RYR3: variants seen among roughly 807,000 people sequenced by gnomAD.
The protein encoded by RYR3 is brain ryanodine receptor-calcium release channel.
Under a neutral mutation model 584.3 loss-of-function variants are expected in RYR3, and 207 were observed. The observed-to-expected ratio is 0.35, with a 90% CI of 0.32 to 0.40. The LOEUF is 0.40. RYR3 is among the 10% of genes least tolerant of loss of function. The pLI, the probability that RYR3 is intolerant of heterozygous loss-of-function variation, is 1.00. For missense variants in RYR3, 5,616 were observed against 6,089.2 expected, an observed-to-expected ratio of 0.92 and a Z score of 2.59; for synonymous variants, 2,416 against 2,248.5, an observed-to-expected ratio of 1.07 and a Z score of -2.11.
At chr15:33,546,104 G>A (rs1038533313) in intron 8 of RYR3, among the ~76,000 whole-genome samples, 13 of 152,152 alleles carry the variant, frequency 8.5e-5, no homozygotes, top group Non-Finnish European at 1.5e-4. Flanking sequence ...ACAAGAACAA[G>A]TTGTTTCAAC....
At chr15:33,476,813 G>T (rs535293151) in intron 2 of RYR3, among the ~76,000 whole-genome samples, 2 of 152,236 alleles carry the variant, frequency 1.3e-5, no homozygotes, top group Admixed American at 6.5e-5. Context: ...GCGCCATCAG[G>T]GTTCTCACAG....
chr15:33,514,427 A>G (rs532343493), intron 3 of RYR3, among the ~76,000 whole-genome samples: 7 of 152,220 alleles, frequency 4.6e-5, no homozygotes. Context: ...GGCCCGCACC[A>G]CGGAGGTTTC....
At position 33,766,526 on chromosome 15, in the gene RYR3, A is replaced by G. The variant is rs8043211; in HGVS notation, c.8706-2132A>G. 1.8e-3 allele frequency among the ~76,000 whole-genome samples: 271 copies of G among 152,318 alleles called. 1 individual carries two copies. Among genetic ancestry groups the G allele is most frequent in the African/African-American group, 6.1e-3 (253 of 41,572 alleles). On this transcript the variant is annotated intron_variant, in intron 60 of 103. Coordinates refer to ENST00000634891, the MANE Select transcript of RYR3 (RefSeq NM_001036.6). ...TAAAGTGAGATATTCAGATAATCCA[A>G]CAGAGGGCAGGTGTGTCTGTTTTCT...
rs762840378 is a variant in RYR3 at position 33,848,420 on chromosome 15, C to T, written c.13627C>T (p.Pro4543Ser). The T allele has an allele frequency of 7.3e-5, 118 of 1,611,196 alleles. No homozygotes were observed. The highest frequency in any genetic ancestry group is 9.7e-5 in the Non-Finnish European group (114 of 1,179,276). Residue 4543 changes from proline to serine, a missense_variant and splice_region_variant, in exon 94 of 104, where the codon CCA becomes TCA. Around this residue, in one of 9 missense-constraint regions of RYR3, gnomAD observed 918 missense variants for 887.4 expected, o/e 1.03. Coordinates refer to ENST00000634891, the MANE Select transcript of RYR3 (RefSeq NM_001036.6). ...GTGGGACCGCTTGGTGATCAACACACCGTGAGTGTCCCTCTACCCCAACCT... is the reference window on the plus strand; with the variant it reads ...GTGGGACCGCTTGGTGATCAACACATCGTGAGTGTCCCTCTACCCCAACCT... ...GQWDRLVINTPSFPNNYWDKF... is the reference protein window; with the variant it reads ...GQWDRLVINTSSFPNNYWDKF...
At chr15:33,814,659 G>A (rs2076713097) in intron 74 of RYR3, among the ~76,000 whole-genome samples, 1 of 152,084 alleles carries the variant, frequency 6.6e-6, no homozygotes, top group Non-Finnish European at 1.5e-5. Context: ...AGCACTTTGG[G>A]AGGCCGAGGC....
intron 65 of RYR3, among the ~76,000 whole-genome samples, chr15:33,781,867 G>GGC (rs2074408303): frequency 6.6e-6 from 1 of 151,594 alleles, no homozygotes; most frequent in Non-Finnish European, 1.5e-5. Flanking sequence ...AAAGGGGGGG[G>GGC]GGATTTCCAA....
At position 33,865,762 on chromosome 15, in the gene RYR3, T is replaced by C. The variant is rs1392379434; in HGVS notation, c.*536T>C. 1 of 153,408 alleles carries C rather than the reference T, an allele frequency of 6.5e-6. No homozygotes were observed. Among genetic ancestry groups the C allele is most frequent in the Non-Finnish European group, 1.5e-5 (1 of 68,602 alleles). The allele number at this position is 153,408 out of a possible 1,614,324, so 9.5% of individuals were successfully genotyped here. A position where few individuals can be genotyped will look rare whatever the true frequency, so the allele number is the denominator to read the frequency against. ...AACCGACACTTTGTCGACACTGAAA[T>C]ATCGATTAAGTGCCTTAAAACCTCT... On this transcript the variant is annotated 3_prime_UTR_variant, in exon 104 of 104. Transcript: ENST00000634891.
At chr15:33,515,634 G>T (rs1313032740) in intron 3 of RYR3, among the ~76,000 whole-genome samples, 1 of 152,182 alleles carries the variant, frequency 6.6e-6, no homozygotes, top group Non-Finnish European at 1.5e-5. Flanking sequence ...TTTCTTGTGA[G>T]ATTTTATTAA....
intron 38 of RYR3, among the ~76,000 whole-genome samples, chr15:33,676,671 T>C (rs2064199899): frequency 6.6e-6 from 1 of 152,152 alleles, no homozygotes; most frequent in Non-Finnish European, 1.5e-5. Flanking sequence ...CAGTCTGATT[T>C]GCCTTGACAC....
chr15:33,819,675 AAAATAAAT>A (rs10631080), intron 76 of RYR3, 73 bp from the exon 77 acceptor site: 29,544 of 652,372 alleles, frequency 0.045, 934 homozygotes, highest in African/African-American at 0.086. Context: ...CTCTGTCTCA[AAAATAAAT>A]AAATAAATAA....
intron 1 of RYR3, among the ~76,000 whole-genome samples, chr15:33,384,230 G>A (rs1162248134): frequency 6.6e-6 from 1 of 151,984 alleles, no homozygotes; most frequent in Non-Finnish European, 1.5e-5. Context: ...TCTTTTTTAA[G>A]CTTTCAGAGA....
intron 64 of RYR3, among the ~76,000 whole-genome samples, chr15:33,775,117 T>C (rs1438337535): frequency 6.6e-6 from 1 of 152,242 alleles, no homozygotes; most frequent in Non-Finnish European, 1.5e-5. Context: ...CCTTTATTCA[T>C]GGATTCATTC....
chr15:33,640,166 A>G (rs138809955), intron 27 of RYR3, among the ~76,000 whole-genome samples: 6 of 152,300 alleles, frequency 3.9e-5, no homozygotes, highest in East Asian at 3.9e-4. Context: ...CAGCTTTTCA[A>G]TAGGCACAAA....
Position 33,603,382 on chromosome 15 carries a change from G to A in RYR3, c.2164+18G>A, listed in dbSNP as rs756127234. On this transcript the variant is annotated intron_variant, in intron 18 of 103. Coordinates refer to ENST00000634891, the MANE Select transcript of RYR3 (RefSeq NM_001036.6). ...TTGGTCAGGTGAGTACCTTGCTAAA[G>A]CTTTGGCTCATAATCTCACTGGAAA... 7 of 1,525,448 alleles carry A rather than the reference G, an allele frequency of 4.6e-6. No individual in the cohort carries two copies. The highest frequency in any genetic ancestry group is 3.6e-4 in the Middle Eastern group (2 of 5,620). The allele number at this position is 1,525,448 out of a possible 1,614,324, so 94.5% of individuals were successfully genotyped here. A position where few individuals can be genotyped will look rare whatever the true frequency, so the allele number is the denominator to read the frequency against.
At chr15:33,695,367 G>C (rs573076780) in intron 38 of RYR3, among the ~76,000 whole-genome samples, 1 of 152,274 alleles carries the variant, frequency 6.6e-6, no homozygotes, top group African/African-American at 2.4e-5. Context: ...AACCTCTGAA[G>C]GTTCCACAGC....
intron 12 of RYR3, among the ~76,000 whole-genome samples, chr15:33,574,649 T>G (rs1396885889): frequency 6.6e-6 from 1 of 151,758 alleles, no homozygotes; most frequent in Non-Finnish European, 1.5e-5. Flanking sequence ...CCTCACAGCC[T>G]GATTGCTTTC....
chr15:33,473,086 A>G (rs939324310), intron 1 of RYR3, among the ~76,000 whole-genome samples: 1 of 152,100 alleles, frequency 6.6e-6, no homozygotes, highest in Non-Finnish European at 1.5e-5. Flanking sequence ...GAGAGATTGT[A>G]TAAATTTGCT....
rs1256286492 is a variant in RYR3, at chr15:33,550,325, T to C, written c.972+9T>C. 1 of 1,610,190 alleles carries C rather than the reference T, an allele frequency of 6.2e-7. No individual in the cohort carries two copies. The highest frequency in any genetic ancestry group is 2.2e-5 in the East Asian group (1 of 44,726). ...CTTTCCGGGCATCAAAGGTAAGGTG[T>C]GATAAAGTGGACTTTGACCCTGTTC... On this transcript the variant is annotated intron_variant, in intron 10 of 103. Coordinates refer to ENST00000634891, the MANE Select transcript of RYR3 (RefSeq NM_001036.6).
Position 33,701,926 on chromosome 15 carries a change from T to C in RYR3, c.6483+846T>C, listed in dbSNP as rs185794557. ...TGAAGCACAGAGTACCTGGGGGATG[T>C]GGTGAGAATGCAGCAGAAGCAGTGA... On this transcript the variant is annotated intron_variant, in intron 42 of 103. Coordinates refer to ENST00000634891, the MANE Select transcript of RYR3 (RefSeq NM_001036.6). Among the ~76,000 whole-genome samples, 8 of 152,154 alleles carry C rather than the reference T, an allele frequency of 5.3e-5. No individual in the cohort carries two copies. The East Asian group carries it at 1.5e-3, about 29-fold the overall frequency.
Sources: allele counts gnomAD v4.1 joint callset (sites outside exome capture counted in the v4.1 genomes callset), GRCh38; gene constraint gnomAD v4.1.1; regional missense constraint gnomAD v4.1.1; transcripts MANE v1.5; gene names NCBI Gene and HGNC (gene_info 2026-07-23, HGNC 2026-07-21).